The following ARL15 variants were observed in gnomAD, a reference collection of about 807,000 sequenced individuals.
The protein encoded by ARL15 is ADP-ribosylation factor-like protein 15.
In ARL15, 19 loss-of-function variants were observed where a neutral mutation model predicts 25.2. The ratio of observed to expected loss-of-function variants is 0.75; its 90% CI spans 0.53 to 1.10. The LOEUF (loss-of-function observed/expected upper bound fraction) is 1.10, where lower values mean the gene tolerates loss of function less well. Ranked by LOEUF, ARL15 falls within the 50% of genes least tolerant of loss-of-function variation. ARL15 has a pLI of 0.00. For synonymous variants in ARL15, 94 were observed against 86.8 expected, an observed-to-expected ratio of 1.08 and a Z score of -0.46; for missense variants, 220 against 246.0, an observed-to-expected ratio of 0.89 and a Z score of 0.71.
At chr5:54,017,049 T>A (rs898313117) in intron 4 of ARL15, among the ~76,000 whole-genome samples, 5 of 152,232 alleles carry the variant, frequency 3.3e-5, no homozygotes, top group Non-Finnish European at 7.3e-5. Flanking sequence ...TCTCTCAAGT[T>A]CTGGCATTGG....
At chr5:53,923,359 G>C (rs774231402) in intron 4 of ARL15, among the ~76,000 whole-genome samples, 1 of 152,160 alleles carries the variant, frequency 6.6e-6, no homozygotes, top group Non-Finnish European at 1.5e-5. Flanking sequence ...TGACGCAGTT[G>C]CTTCAGAAGG....
At chr5:54,032,840 T>G (rs1157299853) in intron 4 of ARL15, among the ~76,000 whole-genome samples, 2 of 152,118 alleles carry the variant, frequency 1.3e-5, no homozygotes, top group African/African-American at 4.8e-5. Flanking sequence ...ATGGCCCAAA[T>G]TTTCTATTCT....
At chr5:53,972,484 A>C (rs2112186467) in intron 4 of ARL15, among the ~76,000 whole-genome samples, 1 of 152,280 alleles carries the variant, frequency 6.6e-6, no homozygotes, top group African/African-American at 2.4e-5. Flanking sequence ...CAAGTCATTT[A>C]ATCTTTCCGG....
At chr5:54,144,393 T>C (rs1031495172) in intron 3 of ARL15, among the ~76,000 whole-genome samples, 11 of 152,162 alleles carry the variant, frequency 7.2e-5, no homozygotes, top group Non-Finnish European at 1.5e-4. Flanking sequence ...GATTCCCTAG[T>C]TCAATCTTTC....
chr5:54,197,870 G>A (rs916223704), intron 1 of ARL15, among the ~76,000 whole-genome samples: 2 of 152,144 alleles, frequency 1.3e-5, no homozygotes, highest in South Asian at 4.1e-4. Flanking sequence ...CAATATCCTT[G>A]ATGAACATTG....
chr5:53,905,094 A>G (rs1745208856), intron 4 of ARL15, among the ~76,000 whole-genome samples: 1 of 152,140 alleles, frequency 6.6e-6, no homozygotes, highest in Non-Finnish European at 1.5e-5. Context: ...GTGGGCTTTT[A>G]ACTACACGTT....
chr5:54,042,445 G>A (rs1750371309), intron 4 of ARL15, among the ~76,000 whole-genome samples: 1 of 152,188 alleles, frequency 6.6e-6, no homozygotes, highest in East Asian at 1.9e-4. Context: ...ATACATGGAA[G>A]ATCTTTAAAT....
At chr5:54,165,052 G>T (rs1014123218) in intron 2 of ARL15, among the ~76,000 whole-genome samples, 1 of 151,618 alleles carries the variant, frequency 6.6e-6, no homozygotes, top group Non-Finnish European at 1.5e-5. Context: ...TTACTTTAGG[G>T]TTTACAGTAA....
intron 4 of ARL15, among the ~76,000 whole-genome samples, chr5:54,045,764 C>A (rs903897631): frequency 1.3e-5 from 2 of 152,120 alleles, no homozygotes; most frequent in Non-Finnish European, 2.9e-5. Flanking sequence ...TAGCATTTAC[C>A]CCCCAGTCAA....
intron 4 of ARL15, among the ~76,000 whole-genome samples, chr5:54,014,516 G>C (rs1036082780): frequency 1.8e-5 from 2 of 111,144 alleles, no homozygotes; most frequent in Non-Finnish European, 3.7e-5. Context: ...CAGGACCCAA[G>C]TCCCCATTCT....
chr5:54,268,728 C>T (rs1348684652), intron 1 of ARL15, among the ~76,000 whole-genome samples: 1 of 152,106 alleles, frequency 6.6e-6, no homozygotes, highest in Non-Finnish European at 1.5e-5. Context: ...TGGGTATATA[C>T]CCAAAGGACT....
chr5:54,290,651 T>C (rs1758300397), intron 1 of ARL15, among the ~76,000 whole-genome samples: 1 of 152,182 alleles, frequency 6.6e-6, no homozygotes, highest in Admixed American at 6.5e-5. Flanking sequence ...TTTTTAATGC[T>C]ATTATAATGA....
intron 4 of ARL15, among the ~76,000 whole-genome samples, chr5:54,108,620 A>AT (rs1388880741): frequency 1.3e-5 from 2 of 152,134 alleles, no homozygotes; most frequent in Non-Finnish European, 2.9e-5. Flanking sequence ...GAAGATACTC[A>AT]GTACTTCATA....
At chr5:54,247,724 A>T (rs1757127282) in intron 1 of ARL15, among the ~76,000 whole-genome samples, 1 of 152,202 alleles carries the variant, frequency 6.6e-6, no homozygotes. Context: ...GAGAGAAACA[A>T]ATATCACATT....
intron 2 of ARL15, among the ~76,000 whole-genome samples, chr5:54,162,365 T>C (rs1332298453): frequency 1.3e-5 from 2 of 152,146 alleles, no homozygotes; most frequent in Non-Finnish European, 2.9e-5. Context: ...GTGAATCATA[T>C]TGAACCTTAT....
chr5:54,222,963 G>A (rs545237462), intron 1 of ARL15, among the ~76,000 whole-genome samples: 23 of 149,842 alleles, frequency 1.5e-4, no homozygotes, highest in African/African-American at 5.4e-4. Context: ...AGGACTACAG[G>A]CACGCGTCAC....
chr5:53,895,700 T>C (rs1393754426), intron 4 of ARL15, among the ~76,000 whole-genome samples: 5 of 152,248 alleles, frequency 3.3e-5, no homozygotes, highest in Non-Finnish European at 7.3e-5. Context: ...ACATATCTTT[T>C]CAATTTTAAC....
intron 4 of ARL15, among the ~76,000 whole-genome samples, chr5:54,072,218 A>G (rs1751451087): frequency 2.6e-5 from 4 of 152,136 alleles, no homozygotes; most frequent in African/African-American, 7.2e-5. Context: ...ATCACTAACA[A>G]AACAGTTCCC....
intron 4 of ARL15, among the ~76,000 whole-genome samples, chr5:54,033,429 G>A (rs1750059843): frequency 6.6e-6 from 1 of 152,146 alleles, no homozygotes; most frequent in Non-Finnish European, 1.5e-5. Flanking sequence ...CAGCACTTTG[G>A]GAGGCCGAGG....
Sources: allele counts gnomAD v4.1 joint callset (sites outside exome capture counted in the v4.1 genomes callset), GRCh38; gene constraint gnomAD v4.1.1; transcripts MANE v1.5; gene names NCBI Gene and HGNC (gene_info 2026-07-23, HGNC 2026-07-21).